The following VPS50 variants were observed in gnomAD, a reference collection of about 807,000 sequenced individuals.
The protein encoded by VPS50 is VPS50 subunit of EARP/GARPII complex.
A neutral mutation model predicts 139.7 loss-of-function variants in VPS50; 70 were observed. That is an observed-to-expected ratio of 0.50 (90% confidence interval 0.41 to 0.61). VPS50 has a LOEUF of 0.61. Ranked by LOEUF, VPS50 falls within the 20% of genes least tolerant of loss-of-function variation. The pLI is 0.00. For missense variants in VPS50, 921 were observed against 1,133.7 expected, an observed-to-expected ratio of 0.81 and a Z score of 2.69; for synonymous variants, 365 against 376.7, an observed-to-expected ratio of 0.97 and a Z score of 0.36.
At chr7:93,257,297 T>G (rs1288319358) in intron 5 of VPS50, 97 bp from the exon 6 acceptor site, 4 of 668,782 alleles carry the variant, frequency 6.0e-6, no homozygotes, top group Non-Finnish European at 1.0e-5. Context: ...AAGCAGGTTT[T>G]CTTTGCATCT....
Position 93,297,216 on chromosome 7 carries a change from G to C in VPS50, c.1334G>C (p.Ser445Thr), listed in dbSNP as rs1431562419. 1.9e-6 allele frequency: 3 copies of C among 1,555,242 alleles called. No individual in the cohort carries two copies. Among genetic ancestry groups the C allele is most frequent in the Non-Finnish European group, 2.6e-6 (3 of 1,161,910 alleles). ...TTACAGGAATCTATTAGAAAACAAAGTGTCAATTATTTCAAGAATTACCAT... is the reference window on the plus strand; with the variant it reads ...TTACAGGAATCTATTAGAAAACAAACTGTCAATTATTTCAAGAATTACCAT... Reference protein sequence around the residue: ...EVLQESIRKQSVNYFKNYHRT... With the variant: ...EVLQESIRKQTVNYFKNYHRT... The change falls in exon 16 of 28, where the codon AGT becomes ACT. Residue 445 changes from serine (S) to threonine (T), a missense_variant. Physicochemically the swap from Ser to Thr is moderately conservative, Grantham distance 58. This residue lies in a region of VPS50 where 744 missense variants were observed against 930.6 expected (regional missense o/e 0.80). Coordinates refer to ENST00000305866, the MANE Select transcript of VPS50 (RefSeq NM_017667.4).
chr7:93,291,297 A>G (rs1796641389), intron 12 of VPS50, among the ~76,000 whole-genome samples: 1 of 152,106 alleles, frequency 6.6e-6, no homozygotes, highest in South Asian at 2.1e-4. Context: ...AAATGACAGA[A>G]TTGTAAATCC....
chr7:93,328,925 GA>G (rs1457322407), intron 21 of VPS50, among the ~76,000 whole-genome samples: 1 of 151,570 alleles, frequency 6.6e-6, no homozygotes, highest in South Asian at 2.1e-4. Flanking sequence ...CCCAGTGAAA[GA>G]AAAAAAATAT....
chr7:93,268,986 G>A (rs1795925950), intron 9 of VPS50, among the ~76,000 whole-genome samples: 1 of 152,130 alleles, frequency 6.6e-6, no homozygotes, highest in Admixed American at 6.6e-5. Flanking sequence ...ATTACATATA[G>A]AGAGGGAAGA....
chr7:93,353,815 T>G, intron 26 of VPS50, 54 bp downstream of exon 26: 1 of 1,333,690 alleles, frequency 7.5e-7, no homozygotes, highest in Non-Finnish European at 1.1e-6. Context: ...TTGTAATATA[T>G]GAATAACATA....
intron 2 of VPS50, among the ~76,000 whole-genome samples, 170 bp downstream of exon 2, chr7:93,240,104 G>A (rs553267662): frequency 5.9e-5 from 9 of 152,056 alleles, no homozygotes; most frequent in South Asian, 2.1e-4. Context: ...TTCATTACAC[G>A]TTGGGATGCA....
chr7:93,251,422 A>C (rs760350373), intron 2 of VPS50, among the ~76,000 whole-genome samples: 9 of 151,900 alleles, frequency 5.9e-5, no homozygotes, highest in Non-Finnish European at 7.4e-5. Context: ...AACTAACACA[A>C]GAATAGAAAA....
intron 9 of VPS50, among the ~76,000 whole-genome samples, chr7:93,270,710 C>G (rs1430002308): frequency 1.3e-5 from 2 of 151,862 alleles, no homozygotes; most frequent in Non-Finnish European, 2.9e-5. Context: ...TCTGTTTGCT[C>G]AACGTCCTTG....
At chr7:93,259,228 T>C (rs1276062449) in intron 8 of VPS50, among the ~76,000 whole-genome samples, 1 of 152,070 alleles carries the variant, frequency 6.6e-6, no homozygotes, top group African/African-American at 2.4e-5. Context: ...AAAGAAGATA[T>C]GTTAACAGTT....
chr7:93,281,865 G>T (rs1340270381), intron 12 of VPS50, among the ~76,000 whole-genome samples: 4 of 152,174 alleles, frequency 2.6e-5, no homozygotes, highest in Admixed American at 2.6e-4. Flanking sequence ...TTTAAAAGTA[G>T]CTGCACAAAC....
At chr7:93,289,756 T>C (rs1030715151) in intron 12 of VPS50, among the ~76,000 whole-genome samples, 7 of 152,068 alleles carry the variant, frequency 4.6e-5, no homozygotes, top group Non-Finnish European at 1.0e-4. Flanking sequence ...AAACTATTTG[T>C]AAAGAAAACA....
chr7:93,297,379 G>C, intron 16 of VPS50, 136 bp downstream of exon 16: 1 of 978,528 alleles, frequency 1.0e-6, no homozygotes, highest in South Asian at 3.5e-5. Context: ...TTTTAAGATG[G>C]TTAAGGATTT....
chr7:93,233,523 G>A (rs1794702872), intron 1 of VPS50, among the ~76,000 whole-genome samples: 2 of 152,156 alleles, frequency 1.3e-5, no homozygotes, highest in African/African-American at 4.8e-5. Flanking sequence ...GATACAAATT[G>A]TGTATTTCTC....
At chr7:93,259,049 G>A (rs1269115724) in intron 8 of VPS50, among the ~76,000 whole-genome samples, 1 of 151,732 alleles carries the variant, frequency 6.6e-6, no homozygotes, top group Non-Finnish European at 1.5e-5. Context: ...AATTCATTGG[G>A]CATTAAATTA....
chr7:93,257,546 T>A lies in VPS50; in HGVS notation c.422+82T>A. On this transcript the variant is annotated intron_variant, in intron 6 of 27. Transcript: ENST00000305866. ...ATGGAATCTATAATTTATAATTGAT[T>A]TTTTAAATTATGGATGTGGTTTCTA... is the stretch of plus-strand genomic sequence containing the variant. The A allele has an allele frequency of 7.7e-6, 6 of 778,844 alleles. No homozygotes were observed. The South Asian group carries it at 1.0e-4, about 14-fold the overall frequency. The allele number at this position is 778,844 out of a possible 1,614,324, so 48.2% of individuals were successfully genotyped here.
chr7:93,341,336 T>C (rs1798203758), intron 22 of VPS50, 91 bp from the exon 23 acceptor site: 1 of 761,806 alleles, frequency 1.3e-6, no homozygotes. Flanking sequence ...GCCCCAAGAG[T>C]ATTTTAATTT....
chr7:93,255,810 C>T (rs1237506214), intron 4 of VPS50, among the ~76,000 whole-genome samples: 1 of 152,116 alleles, frequency 6.6e-6, no homozygotes, highest in Non-Finnish European at 1.5e-5. Flanking sequence ...GGAAGGGGAG[C>T]CAGTTGTGTT....
intron 21 of VPS50, 30 bp downstream of exon 21, chr7:93,323,762 T>C: frequency 1.6e-6 from 2 of 1,265,208 alleles, no homozygotes; most frequent in Non-Finnish European, 2.1e-6. Context: ...GAAAAAAATC[T>C]TTCTTTTAAA....
intron 2 of VPS50, among the ~76,000 whole-genome samples, chr7:93,240,249 ACTCTCTCTCT>A (rs4015280): frequency 2.7e-5 from 3 of 109,314 alleles, no homozygotes; most frequent in Non-Finnish European, 5.6e-5. Flanking sequence ...ACACACACAC[ACTCTCTCTCT>A]CTCTCTCTCT....
Sources: gnomAD v4.1 joint callset for allele counts (sites outside exome capture counted in the v4.1 genomes callset) on GRCh38, gnomAD v4.1.1 for gene constraint, gnomAD v4.1.1 regional missense constraint, MANE v1.5 for transcripts, NCBI Gene and HGNC (gene_info 2026-07-23, HGNC 2026-07-21) for gene names.